NDE1: variants seen among roughly 807,000 people sequenced by gnomAD.
NDE1 encodes the protein nuclear distribution protein nudE homolog 1.
In NDE1, 28 loss-of-function variants were observed where a neutral mutation model predicts 43.4. The ratio of observed to expected loss-of-function variants is 0.65; its 90% confidence interval spans 0.48 to 0.89. The LOEUF (loss-of-function observed/expected upper bound fraction) is 0.89, where lower values mean the gene tolerates loss of function less well. Ranked by LOEUF, NDE1 falls within the 40% of genes least tolerant of loss-of-function variation. The pLI is 0.00. For missense variants in NDE1, 441 were observed against 434.1 expected (o/e 1.02, Z -0.14); for synonymous variants, 184 against 172.0 (o/e 1.07, Z -0.55).
At chr16:15,652,203 A>G (rs1251848389) in intron 1 of NDE1, among the ~76,000 whole-genome samples, 2 of 152,004 alleles carry the variant, frequency 1.3e-5, no homozygotes, top group African/African-American at 4.8e-5. Context: ...CGACTCTATC[A>G]TTATTATTAT....
At chr16:15,719,427 G>C in intron 8 of NDE1, 1 of 1,464,108 alleles carries the variant, frequency 6.8e-7, no homozygotes, top group East Asian at 2.3e-5. Context: ...CTCAGGGGAG[G>C]CCCCGTGAAT....
At chr16:15,674,792 G>C (rs1360429613) in intron 3 of NDE1, among the ~76,000 whole-genome samples, 1 of 151,834 alleles carries the variant, frequency 6.6e-6, no homozygotes, top group African/African-American at 2.4e-5. Flanking sequence ...GCTCACTGCA[G>C]CTTCAACCTC....
chr16:15,644,885 A>G (rs1470772344), intron 1 of NDE1, among the ~76,000 whole-genome samples: 5 of 152,022 alleles, frequency 3.3e-5, no homozygotes, highest in African/African-American at 1.2e-4. Flanking sequence ...TTAGCCAGAA[A>G]ACATCAAAGA....
At chr16:15,686,881 A>G in intron 4 of NDE1, 1 of 661,856 alleles carries the variant, frequency 1.5e-6, no homozygotes, top group Non-Finnish European at 1.9e-6. Flanking sequence ...TAGAGACAGG[A>G]TTTTGCCATT....
chr16:15,651,336 C>G (rs960029949), intron 1 of NDE1: 1 of 151,248 alleles, frequency 6.6e-6, no homozygotes, highest in African/African-American at 2.4e-5. Flanking sequence ...GGACATGGGT[C>G]GGGTGTTTTG....
intron 8 of NDE1, among the ~76,000 whole-genome samples, chr16:15,698,128 AC>A (rs931456240): frequency 4.6e-5 from 7 of 152,004 alleles, no homozygotes; most frequent in Admixed American, 4.6e-4. Context: ...AATCTGTAGA[AC>A]CTTTGAGAAA....
intron 2 of NDE1, among the ~76,000 whole-genome samples, chr16:15,666,915 G>T (rs2151441821): frequency 6.6e-6 from 1 of 152,232 alleles, no homozygotes; most frequent in African/African-American, 2.4e-5. Context: ...ATTCTAGTTT[G>T]ACTTAAAGGT....
In NDE1 at chr16:15,723,772, T is replaced by A. The variant is rs372246989; in HGVS notation, c.948-419T>A. Among the ~76,000 whole-genome samples the A allele has an allele frequency of 1.8e-3, 276 of 152,328 alleles. 8 individuals are homozygous for A. The South Asian group carries it at 0.056, about 31-fold the overall frequency. On this transcript the variant is annotated intron_variant, in intron 8 of 8. Transcript: ENST00000396354. ...GTACTTGGAATTTTACAGAATGAAA[T>A]CTTAGGGAAGAGTGGTATTAAAAGT...
In NDE1 at chr16:15,659,537, A is replaced by G. The variant is rs1046404189; in HGVS notation, c.-43-5199A>G. Among the ~76,000 whole-genome samples, 14 of 142,744 alleles carry G rather than the reference A, an allele frequency of 9.8e-5. No homozygotes were observed. The Admixed American group carries it at 1.1e-3, about 11-fold the overall frequency. The allele number at this position is 142,744 out of a possible 152,430, so 93.6% of individuals were successfully genotyped here. ...CTACAACCTCTGCCTTCTGGGTTCA[A>G]GTGATTCTCCCGCCTCAGCCTCCCG... On this transcript the variant is annotated intron_variant, in intron 1 of 8. Coordinates refer to ENST00000396354, the MANE Select transcript of NDE1 (RefSeq NM_017668.3).
intron 8 of NDE1, among the ~76,000 whole-genome samples, chr16:15,705,541 C>T (rs1423765795): frequency 6.6e-6 from 1 of 152,210 alleles, no homozygotes; most frequent in Non-Finnish European, 1.5e-5. Flanking sequence ...ATGTTGGGCT[C>T]TGGCCATCTG....
intron 3 of NDE1, among the ~76,000 whole-genome samples, chr16:15,669,217 G>A (rs1440090569): frequency 1.3e-5 from 2 of 149,248 alleles, no homozygotes; most frequent in East Asian, 4.0e-4. Flanking sequence ...TTTTTGAGAT[G>A]GAGTCTTGCT....
chr16:15,680,299 G>C (rs968641633), intron 4 of NDE1, among the ~76,000 whole-genome samples: 1 of 152,014 alleles, frequency 6.6e-6, no homozygotes, highest in Admixed American at 6.6e-5. Context: ...AATGTGGGGG[G>C]GCCCACGGTG....
At chr16:15,693,019 G>A (rs1371200882) in intron 6 of NDE1, among the ~76,000 whole-genome samples, 1 of 125,432 alleles carries the variant, frequency 8.0e-6, no homozygotes, top group Non-Finnish European at 1.6e-5. Flanking sequence ...TTTTTTTTTT[G>A]AGACAAAGTC....
At chr16:15,691,051 A>G (rs1397936246) in intron 5 of NDE1, 93 bp from the exon 6 acceptor site, 20 of 1,508,130 alleles carry the variant, frequency 1.3e-5, no homozygotes, top group Non-Finnish European at 1.8e-5. Context: ...CAGGCGATCC[A>G]CCTGCCTTGG....
At chr16:15,696,441 C>T (rs565220001) in intron 7 of NDE1, among the ~76,000 whole-genome samples, 13 of 152,028 alleles carry the variant, frequency 8.6e-5, no homozygotes, top group African/African-American at 3.1e-4. Flanking sequence ...GTCTCAAACT[C>T]CTGATGTCAA....
intron 1 of NDE1, among the ~76,000 whole-genome samples, chr16:15,658,325 A>G (rs1274824094): frequency 1.3e-5 from 2 of 152,204 alleles, no homozygotes; most frequent in South Asian, 2.1e-4. Flanking sequence ...TAAGCCAATC[A>G]TTGGCTCAGC....
At chr16:15,679,538 C>A (rs2038066170) in intron 4 of NDE1, among the ~76,000 whole-genome samples, 1 of 152,096 alleles carries the variant, frequency 6.6e-6, no homozygotes, top group African/African-American at 2.4e-5. Context: ...ATTGAATTTT[C>A]AATATATTGT....
At chr16:15,695,836 G>A (rs1402458481) in intron 7 of NDE1, 1 of 449,662 alleles carries the variant, frequency 2.2e-6, no homozygotes, top group African/African-American at 2.1e-5. Flanking sequence ...GGTGCTGTCA[G>A]TGTCCTTTTG....
chr16:15,703,930 T>TG, intron 8 of NDE1: 1 of 1,574,172 alleles, frequency 6.4e-7, no homozygotes, highest in Non-Finnish European at 8.7e-7. Context: ...GTTGGGTTTT[T>TG]TTTGTTTGTT....
Sources: gnomAD v4.1 joint callset for allele counts (sites outside exome capture counted in the v4.1 genomes callset) on GRCh38, gnomAD v4.1.1 for gene constraint, MANE v1.5 for transcripts, NCBI Gene and HGNC (gene_info 2026-07-23, HGNC 2026-07-21) for gene names.